Variants in ELMO1 observed in about 807,000 individuals in gnomAD.
ELMO1 encodes engulfment and cell motility 1, also known as engulfment and cell motility protein 1.
In ELMO1, 26 loss-of-function variants were observed where a neutral mutation model predicts 98.9. That is an observed-to-expected ratio of 0.26 (90% CI 0.19 to 0.36). The LOEUF (loss-of-function observed/expected upper bound fraction) is 0.36, where lower values mean the gene tolerates loss of function less well. ELMO1 is among the 10% of genes least tolerant of loss of function. The pLI is 1.00. For missense variants in ELMO1, 627 were observed against 935.2 expected, an observed-to-expected ratio of 0.67 and a Z score of 4.30; for synonymous variants, 346 against 346.0, an observed-to-expected ratio of 1.00 and a Z score of 0.00.
intron 14 of ELMO1, among the ~76,000 whole-genome samples, chr7:37,099,833 A>AT (rs768234746): frequency 0.042 from 5,894 of 141,266 alleles, 275 homozygotes; most frequent in African/African-American, 0.12. Context: ...CTGGAGTTCA[A>AT]TTTTTTTTTT....
chr7:37,168,758 C>T (rs1789930503), intron 13 of ELMO1, among the ~76,000 whole-genome samples: 1 of 152,294 alleles, frequency 6.6e-6, no homozygotes, highest in African/African-American at 2.4e-5. Flanking sequence ...CTGGGGGGTG[C>T]CTCCCAGTTA....
chr7:37,337,828 C>G (rs1344631086), intron 2 of ELMO1, among the ~76,000 whole-genome samples: 3 of 152,020 alleles, frequency 2.0e-5, no homozygotes, highest in South Asian at 2.1e-4. Context: ...ATGCAGGGAA[C>G]AGAAAAGCTG....
intron 14 of ELMO1, among the ~76,000 whole-genome samples, chr7:37,130,701 T>A (rs1263840564): frequency 1.3e-5 from 2 of 152,062 alleles, no homozygotes; most frequent in Non-Finnish European, 2.9e-5. Flanking sequence ...TGAGGGACCA[T>A]GATACCTGGG....
At chr7:37,325,350 A>G (rs1438843624) in intron 2 of ELMO1, among the ~76,000 whole-genome samples, 1 of 152,244 alleles carries the variant, frequency 6.6e-6, no homozygotes, top group African/African-American at 2.4e-5. Context: ...AAAGGCATGC[A>G]GTTAATGAAC....
chr7:37,043,121 G>A (rs1562917977), intron 15 of ELMO1, among the ~76,000 whole-genome samples: 2 of 152,116 alleles, frequency 1.3e-5, no homozygotes, highest in Non-Finnish European at 2.9e-5. Context: ...CCTGCTCTCC[G>A]CAGACAATGC....
intron 15 of ELMO1, among the ~76,000 whole-genome samples, chr7:37,027,767 G>A (rs1159873281): frequency 6.6e-6 from 1 of 151,714 alleles, no homozygotes; most frequent in East Asian, 1.9e-4. Context: ...CAGACCCCAA[G>A]AAGCATATCC....
At chr7:37,325,900 G>T (rs570496644) in intron 2 of ELMO1, among the ~76,000 whole-genome samples, 1 of 152,228 alleles carries the variant, frequency 6.6e-6, no homozygotes, top group South Asian at 2.1e-4. Flanking sequence ...TCCCAGAGGC[G>T]CCTCGTGACA....
At chr7:37,016,672 A>C (rs1300938051) in intron 15 of ELMO1, among the ~76,000 whole-genome samples, 5 of 152,362 alleles carry the variant, frequency 3.3e-5, no homozygotes, top group African/African-American at 1.2e-4. Context: ...ATGAGATAGC[A>C]GTACCAAGGC....
chr7:37,177,383 A>G lies in ELMO1; in HGVS notation c.1086+34003T>C, dbSNP rs17170904. Among the ~76,000 whole-genome samples, 19 of 152,350 alleles carry G rather than the reference A, an allele frequency of 1.2e-4. No individual in the cohort carries two copies. In the East Asian group the frequency reaches 3.1e-3, roughly 25 times the overall value. On this transcript the variant is annotated intron_variant, in intron 13 of 21. Transcript: ENST00000310758. ...TGGCATGGGAATAGTGCTTCTTTCA[A>G]TAGTTCTCAAACTTCAGAGCTAATT...
intron 15 of ELMO1, among the ~76,000 whole-genome samples, chr7:37,060,909 A>G (rs1796635344): frequency 6.6e-6 from 1 of 152,310 alleles, no homozygotes; most frequent in Admixed American, 6.5e-5. Flanking sequence ...ACAGAGACAC[A>G]GAAGGTTTCT....
intron 15 of ELMO1, among the ~76,000 whole-genome samples, chr7:37,073,636 G>T (rs113446329): frequency 6.6e-6 from 1 of 150,828 alleles, no homozygotes; most frequent in Non-Finnish European, 1.5e-5. Context: ...TTGCTCTGTC[G>T]TCCAGGCTAG....
chr7:36,916,236 G>C (rs1882080), intron 16 of ELMO1, among the ~76,000 whole-genome samples: 1 of 151,864 alleles, frequency 6.6e-6, no homozygotes, highest in Non-Finnish European at 1.5e-5. Flanking sequence ...TTCCTCTCTC[G>C]TCATTTCCAG....
At chr7:37,169,731 C>T (rs1563053100) in intron 13 of ELMO1, among the ~76,000 whole-genome samples, 2 of 152,162 alleles carry the variant, frequency 1.3e-5, no homozygotes, top group African/African-American at 2.4e-5. Context: ...AGGCACATGT[C>T]ACACATGAAT....
chr7:36,960,579 A>C (rs1415193564), intron 16 of ELMO1, among the ~76,000 whole-genome samples: 4 of 152,036 alleles, frequency 2.6e-5, no homozygotes, highest in Non-Finnish European at 5.9e-5. Context: ...AGCAAGCATG[A>C]CTGAAGAAGC....
At chr7:37,416,507 T>C (rs993657669) in intron 1 of ELMO1, among the ~76,000 whole-genome samples, 1 of 152,172 alleles carries the variant, frequency 6.6e-6, no homozygotes, top group Non-Finnish European at 1.5e-5. Flanking sequence ...GGCTTGTCCA[T>C]GCACACGCAC....
At chr7:37,202,179 T>G (rs879727922) in intron 13 of ELMO1, among the ~76,000 whole-genome samples, 1 of 152,184 alleles carries the variant, frequency 6.6e-6, no homozygotes, top group Non-Finnish European at 1.5e-5. Context: ...GGTTTATGGG[T>G]TAAATCTAAA....
intron 1 of ELMO1, among the ~76,000 whole-genome samples, chr7:37,359,011 C>A (rs1020987875): frequency 6.6e-6 from 1 of 152,116 alleles, no homozygotes; most frequent in South Asian, 2.1e-4. Flanking sequence ...ATTGACGAAC[C>A]AGGATTATGG....
chr7:37,422,571 T>C (rs183140340), intron 1 of ELMO1, among the ~76,000 whole-genome samples: 129 of 152,338 alleles, frequency 8.5e-4, no homozygotes, highest in African/African-American at 2.9e-3. Flanking sequence ...ATGAAGCAAA[T>C]GGCTTTCATA....
rs778877222 is a variant in ELMO1, at chr7:37,013,285, G to A, written c.1437+14C>T. On this transcript the variant is annotated intron_variant, in intron 16 of 21. Transcript: ENST00000310758. ...CTGCGGGAATCCCCTGCCTCTATCCGAGATCCACATTACCTTGTTGAAGTC... is the reference window on the plus strand; with the variant it reads ...CTGCGGGAATCCCCTGCCTCTATCCAAGATCCACATTACCTTGTTGAAGTC... 12 of 1,613,518 alleles carry A rather than the reference G, an allele frequency of 7.4e-6. No individual in the cohort carries two copies. In the Admixed American group the frequency reaches 1.3e-4, roughly 18 times the overall value.
Sources: allele counts gnomAD v4.1 joint callset (sites outside exome capture counted in the v4.1 genomes callset), GRCh38; gene constraint gnomAD v4.1.1; transcripts MANE v1.5; gene names NCBI Gene and HGNC (gene_info 2026-07-23, HGNC 2026-07-21).